TDRD3: variants seen among roughly 807,000 people sequenced by gnomAD.
The protein encoded by TDRD3 is tudor domain containing 3, also known as tudor domain-containing protein 3.
Under a neutral mutation model 86.7 loss-of-function variants are expected in TDRD3, and 45 were observed. The observed-to-expected ratio is 0.52, with a 90% CI of 0.41 to 0.67. The LOEUF (loss-of-function observed/expected upper bound fraction) is 0.67, where lower values mean the gene tolerates loss of function less well. Among genes scored for constraint, TDRD3 ranks in the 30% least tolerant of loss-of-function variants. The pLI, the probability that TDRD3 is intolerant of heterozygous loss-of-function variation, is 0.00. For synonymous variants in TDRD3, 298 were observed against 301.7 expected (o/e 0.99, Z 0.13); for missense variants, 814 against 889.0 (o/e 0.92, Z 1.07).
chr13:60,547,192 CA>C (rs757925968), intron 12 of TDRD3: 7 of 964,508 alleles, frequency 7.3e-6, no homozygotes, highest in Non-Finnish European at 7.4e-6. Flanking sequence ...AAAGTATAAC[CA>C]AAAAAAATCT....
rs1283132130 is a variant in TDRD3 at position 60,529,005 on chromosome 13, C to G, written c.1780C>G (p.Pro594Ala). Reference protein sequence around the residue: ...IGVPNGEVEMPLKGRRIGPIK... With the variant: ...IGVPNGEVEMALKGRRIGPIK... ...TGTTCCAAATGGAGAAGTAGAAATGCCACTGAAAGGAAGACGAATAGGACC... is the reference window on the plus strand; with the variant it reads ...TGTTCCAAATGGAGAAGTAGAAATGGCACTGAAAGGAAGACGAATAGGACC... Residue 594 changes from proline to alanine, a missense_variant, in exon 11 of 14, where the codon CCA becomes GCA. Pro to Ala is a conservative substitution (Grantham distance 27). Transcript: ENST00000377881. The G allele has an allele frequency of 3.1e-6, 5 of 1,613,830 alleles. No homozygotes were observed. Among genetic ancestry groups the G allele is most frequent in the Non-Finnish European group, 4.2e-6 (5 of 1,179,940 alleles).
intron 3 of TDRD3, among the ~76,000 whole-genome samples, chr13:60,449,523 G>A (rs532703183): frequency 2.2e-3 from 338 of 152,168 alleles, no homozygotes; most frequent in Non-Finnish European, 3.9e-3. Context: ...TGTTGCTTTT[G>A]GCTGGTAGTC....
chr13:60,417,103 A>G (rs9538685), intron 1 of TDRD3, among the ~76,000 whole-genome samples: 5,135 of 150,634 alleles, frequency 0.034, 123 homozygotes, highest in Non-Finnish European at 0.052. Flanking sequence ...TGCAGCCTCA[A>G]TCTCCTTGGG....
intron 3 of TDRD3, among the ~76,000 whole-genome samples, chr13:60,445,259 A>G (rs1319506325): frequency 6.6e-6 from 1 of 152,146 alleles, no homozygotes; most frequent in African/African-American, 2.4e-5. Context: ...CTTTAATTAT[A>G]TTTTTACCTA....
chr13:60,404,571 A>G (rs1954188079), intron 1 of TDRD3, among the ~76,000 whole-genome samples: 2 of 150,820 alleles, frequency 1.3e-5, no homozygotes, highest in South Asian at 2.1e-4. Flanking sequence ...CGGCCTCCCA[A>G]AGTGCTGGGA....
At position 60,533,034 on chromosome 13, in the gene TDRD3, A is replaced by G. The variant is rs529530117; in HGVS notation, c.1993-2074A>G. ...TTCAGTGTTTGTTTAATTTACCTGA[A>G]CTGGCATAATTTGGCAACTCAGAAC... On this transcript the variant is annotated intron_variant, in intron 11 of 13. Coordinates refer to ENST00000377881, the MANE Select transcript of TDRD3 (RefSeq NM_001146070.2). Among the ~76,000 whole-genome samples the G allele has an allele frequency of 2.0e-5, 3 of 152,302 alleles. No individual in the cohort carries two copies. The South Asian group carries it at 6.2e-4, about 32-fold the overall frequency.
intron 10 of TDRD3, among the ~76,000 whole-genome samples, chr13:60,522,498 A>G (rs966739703): frequency 4.6e-5 from 7 of 152,324 alleles, no homozygotes; most frequent in East Asian, 3.9e-4. Context: ...AGTACTTTAC[A>G]TATGTTAATC....
intron 10 of TDRD3, among the ~76,000 whole-genome samples, chr13:60,519,943 T>C (rs1159974150): frequency 6.6e-6 from 1 of 152,220 alleles, no homozygotes; most frequent in Non-Finnish European, 1.5e-5. Flanking sequence ...TTTGCAGTTG[T>C]ATTGTTGGTG....
chr13:60,456,932 G>A (rs1374560783), intron 3 of TDRD3, among the ~76,000 whole-genome samples: 3 of 152,098 alleles, frequency 2.0e-5, no homozygotes, highest in Non-Finnish European at 2.9e-5. Flanking sequence ...CTGGGTTCAA[G>A]CGAGCCACCC....
At chr13:60,408,313 A>G (rs1360130230) in intron 1 of TDRD3, among the ~76,000 whole-genome samples, 3 of 152,212 alleles carry the variant, frequency 2.0e-5, no homozygotes, top group Non-Finnish European at 4.4e-5. Flanking sequence ...GAACTAATAT[A>G]GTAAATTAGT....
At chr13:60,465,869 C>T (rs1398987022) in intron 4 of TDRD3, among the ~76,000 whole-genome samples, 4 of 152,114 alleles carry the variant, frequency 2.6e-5, no homozygotes, top group East Asian at 3.9e-4. Flanking sequence ...ATTTGCAGTA[C>T]TTCTTGCTGT....
At chr13:60,426,458 A>C (rs1479085693) in intron 1 of TDRD3, among the ~76,000 whole-genome samples, 1 of 152,234 alleles carries the variant, frequency 6.6e-6, no homozygotes, top group Admixed American at 6.5e-5. Flanking sequence ...GATGATAGAT[A>C]TGTTAATAAG....
chr13:60,553,698 T>G (rs1021058360), intron 12 of TDRD3, among the ~76,000 whole-genome samples: 4 of 152,088 alleles, frequency 2.6e-5, no homozygotes, highest in African/African-American at 9.7e-5. Flanking sequence ...GGGGAACTGC[T>G]AAAACCATCA....
At chr13:60,514,110 G>T (rs1014049376) in intron 10 of TDRD3, among the ~76,000 whole-genome samples, 1 of 152,184 alleles carries the variant, frequency 6.6e-6, no homozygotes, top group African/African-American at 2.4e-5. Flanking sequence ...ATGAAATCCA[G>T]GCTGAGGTGG....
At chr13:60,412,709 AT>A (rs1206508830) in intron 1 of TDRD3, among the ~76,000 whole-genome samples, 1 of 151,898 alleles carries the variant, frequency 6.6e-6, no homozygotes, top group East Asian at 1.9e-4. Flanking sequence ...CAACTGCTTG[AT>A]TTTTTTTGTT....
intron 8 of TDRD3, among the ~76,000 whole-genome samples, chr13:60,503,604 A>T (rs1956878327): frequency 6.6e-6 from 1 of 152,160 alleles, no homozygotes; most frequent in Admixed American, 6.5e-5. Context: ...TGGATGTTTC[A>T]GGGGCCCTCT....
chr13:60,484,128 G>T (rs1444525970), intron 6 of TDRD3, among the ~76,000 whole-genome samples: 1 of 147,212 alleles, frequency 6.8e-6, no homozygotes, highest in Non-Finnish European at 1.5e-5. Context: ...GTTTTTTTTT[G>T]AGGGAAATTC....
chr13:60,477,215 GTTATTA>G (rs111532124), intron 5 of TDRD3, among the ~76,000 whole-genome samples: 3 of 121,008 alleles, frequency 2.5e-5, no homozygotes, highest in East Asian at 2.9e-4. Context: ...TATTATTATT[GTTATTA>G]TTATTATTAT....
Position 60,528,932 on chromosome 13 carries a change from T to A in TDRD3, c.1707T>A (p.Asn569Lys), listed in dbSNP as rs568482521. 4.3e-6 allele frequency: 7 copies of A among 1,613,558 alleles called. No individual in the cohort carries two copies. The highest frequency in any genetic ancestry group is 5.9e-6 in the Non-Finnish European group (7 of 1,179,820). ...FSGIKIEKHF[N>K]VNTDYQNPVR... ...GTATAAAAATTGAAAAACATTTTAATGTAAATACTGATTATCAGAATCCAG... is the reference window on the plus strand; with the variant it reads ...GTATAAAAATTGAAAAACATTTTAAAGTAAATACTGATTATCAGAATCCAG... Residue 569 changes from asparagine to lysine, a missense_variant, in exon 11 of 14, where the codon AAT (asparagine) becomes AAA (lysine). By Grantham distance (94) the Asn-to-Lys change is moderately conservative. Transcript: ENST00000377881.
Sources: allele counts gnomAD v4.1 joint callset (sites outside exome capture counted in the v4.1 genomes callset), GRCh38; gene constraint gnomAD v4.1.1; transcripts MANE v1.5; gene names NCBI Gene and HGNC (gene_info 2026-07-23, HGNC 2026-07-21).